Variants in TM4SF20 observed in about 807,000 individuals in gnomAD.
TM4SF20 encodes the protein transmembrane 4 L6 family member 20.
Under a neutral mutation model 15.1 loss-of-function variants are expected in TM4SF20, and 13 were observed. That is an observed-to-expected ratio of 0.86 (90% CI 0.56 to 1.36). The LOEUF (loss-of-function observed/expected upper bound fraction) is 1.36. Among genes scored for constraint, TM4SF20 ranks in the 40% most tolerant of loss-of-function variants. The pLI is 0.00. For missense variants in TM4SF20, 282 were observed against 268.4 expected (o/e 1.05, Z -0.35); for synonymous variants, 92 against 96.6 (o/e 0.95, Z 0.28).
chr2:227,377,784 C>A (rs933718758), intron 1 of TM4SF20, among the ~76,000 whole-genome samples: 5 of 151,796 alleles, frequency 3.3e-5, no homozygotes, highest in Non-Finnish European at 7.4e-5. Context: ...AACACATGAG[C>A]ACATAAAAGG....
chr2:227,374,455 A>G (rs1399093234), intron 1 of TM4SF20, among the ~76,000 whole-genome samples: 1 of 138,278 alleles, frequency 7.2e-6, no homozygotes, highest in African/African-American at 2.6e-5. Flanking sequence ...GTGTGTGTGT[A>G]TGAATTATAT....
intron 2 of TM4SF20, among the ~76,000 whole-genome samples, chr2:227,368,017 C>CTTTTTTTT (rs748891185): frequency 8.6e-6 from 1 of 116,696 alleles, no homozygotes; most frequent in Non-Finnish European, 1.8e-5. Flanking sequence ...TTTTAACCAT[C>CTTTTTTTT]TATTTTTTTT....
At chr2:227,366,928 C>T (rs914209625) in intron 2 of TM4SF20, among the ~76,000 whole-genome samples, 11 of 151,898 alleles carry the variant, frequency 7.2e-5, no homozygotes, top group African/African-American at 2.2e-4. Context: ...TCTCTTGGCT[C>T]GCAAGCGTTT....
intron 3 of TM4SF20, 152 bp from the exon 4 acceptor site, chr2:227,364,164 ATATACTCTAC>A: frequency 2.6e-6 from 2 of 760,514 alleles, no homozygotes; most frequent in Non-Finnish European, 4.1e-6. Context: ...GCATGTGTCC[ATATACTCTAC>A]TAGTTACAAA....
At chr2:227,371,887 T>C (rs961706645) in intron 1 of TM4SF20, among the ~76,000 whole-genome samples, 5 of 152,246 alleles carry the variant, frequency 3.3e-5, no homozygotes, top group African/African-American at 1.2e-4. Flanking sequence ...CAGAAATCTA[T>C]AGATCGCATT....
chr2:227,366,716 C>CAAAAAAAAAAAAAAAA (rs59401554), intron 2 of TM4SF20, among the ~76,000 whole-genome samples: 6 of 68,190 alleles, frequency 8.8e-5, no homozygotes, highest in African/African-American at 1.0e-4. Context: ...AAGACTCTGT[C>CAAAAAAAAAAAAAAAA]AAAAAAAAAA....
chr2:227,380,167 C>CA (rs1247306727), upstream of TM4SF20, among the ~76,000 whole-genome samples: 1 of 152,060 alleles, frequency 6.6e-6, no homozygotes, highest in African/African-American at 2.4e-5. Flanking sequence ...TCATCTGTAC[C>CA]AAAAAAACAA....
At chr2:227,380,345 T>C (rs964969295), upstream of TM4SF20, among the ~76,000 whole-genome samples, 1 of 151,952 alleles carries the variant, frequency 6.6e-6, no homozygotes, top group African/African-American at 2.4e-5. Flanking sequence ...ACAAAAACAA[T>C]ACAAAAGTTC....
intron 2 of TM4SF20, among the ~76,000 whole-genome samples, chr2:227,368,916 A>G (rs574318845): frequency 4.7e-4 from 72 of 152,318 alleles, no homozygotes; most frequent in African/African-American, 1.7e-3. Flanking sequence ...GGTCTTATCT[A>G]GGCCTCAAAG....
chr2:227,365,792 T>C (rs2076389764), intron 3 of TM4SF20, among the ~76,000 whole-genome samples: 1 of 152,216 alleles, frequency 6.6e-6, no homozygotes, highest in Non-Finnish European at 1.5e-5. Context: ...TTGCATAATT[T>C]TTTAATATAC....
chr2:227,370,483 G>A (rs1042165985), intron 2 of TM4SF20, among the ~76,000 whole-genome samples: 2 of 152,050 alleles, frequency 1.3e-5, no homozygotes. Context: ...CAGGCCAGGC[G>A]CAGTGGCTCA....
rs1051113147 is a variant in TM4SF20 at position 227,363,430 on chromosome 2, A to G, written c.*294T>C. 1 of 229,724 alleles carries G rather than the reference A, an allele frequency of 4.4e-6. No homozygotes were observed. Among genetic ancestry groups the G allele is most frequent in the Non-Finnish European group, 8.5e-6 (1 of 117,406 alleles). 14.2% of individuals were successfully genotyped at this position (229,724 alleles called of 1,614,324 possible). A position where few individuals can be genotyped will look rare whatever the true frequency, so the allele number is the denominator to read the frequency against. On this transcript the variant is annotated 3_prime_UTR_variant, in exon 4 of 4. Transcript: ENST00000304568. ...GACCCTGTCTCAAAAAAAAAAAAAA[A>G]AAGTCCTGTACTTTTATTTTCAGGA...
At chr2:227,376,923 A>C (rs949620265) in intron 1 of TM4SF20, among the ~76,000 whole-genome samples, 1 of 152,246 alleles carries the variant, frequency 6.6e-6, no homozygotes, top group Non-Finnish European at 1.5e-5. Context: ...ATAGAGACTA[A>C]ATGAGATAAC....
chr2:227,373,927 C>CAAAAAAAAAAAAAAA (rs373068376), intron 1 of TM4SF20, among the ~76,000 whole-genome samples: 4 of 103,070 alleles, frequency 3.9e-5, no homozygotes, highest in East Asian at 2.6e-4. Context: ...GACTCCGTCT[C>CAAAAAAAAAAAAAAA]AAAAAAAAAA....
chr2:227,377,992 A>C (rs775767181), intron 1 of TM4SF20, among the ~76,000 whole-genome samples: 21 of 152,096 alleles, frequency 1.4e-4, no homozygotes, highest in Non-Finnish European at 1.8e-4. Context: ...TAAAAAAAAA[A>C]GTTAAAAAAA....
At chr2:227,374,217 T>C (rs1389493667) in intron 1 of TM4SF20, among the ~76,000 whole-genome samples, 1 of 152,096 alleles carries the variant, frequency 6.6e-6, no homozygotes, top group African/African-American at 2.4e-5. Flanking sequence ...TCAGAGTTAC[T>C]AAATATTTCC....
At chr2:227,366,300 C>T in intron 2 of TM4SF20, 56 bp from the exon 3 acceptor site, 1 of 1,524,950 alleles carries the variant, frequency 6.6e-7, no homozygotes, top group Non-Finnish European at 9.0e-7. Flanking sequence ...TGATCTGTTT[C>T]AAGCTTCAGG....
At position 227,363,762 on chromosome 2, in the gene TM4SF20, G is replaced by C. The variant is rs2106486878; in HGVS notation, c.652C>G (p.Leu218Val). The C allele has an allele frequency of 6.2e-7, 1 of 1,614,070 alleles. No homozygotes were observed. The highest frequency in any genetic ancestry group is 2.2e-5 in the East Asian group (1 of 44,866). ...CTTCTTCGCTTAGAGACTCCACACA[G>C]ACAGCCAAGGAAACCGATGACTATC... ...SQIVIGFLGC[L>V]CGVSKRRSQI... Residue 218 changes from leucine (L) to valine (V), a missense_variant, in exon 4 of 4, where the codon CTG (leucine) becomes GTG (valine). Physicochemically the swap from Leu to Val is conservative, Grantham distance 32. Transcript: ENST00000304568.
chr2:227,377,482 T>C (rs977806769), intron 1 of TM4SF20, among the ~76,000 whole-genome samples: 17 of 152,240 alleles, frequency 1.1e-4, no homozygotes, highest in African/African-American at 3.9e-4. Flanking sequence ...ATTAGATCTT[T>C]CTACCTAAAG....
Sources: allele counts gnomAD v4.1 joint callset (sites outside exome capture counted in the v4.1 genomes callset), GRCh38; gene constraint gnomAD v4.1.1; transcripts MANE v1.5; gene names NCBI Gene and HGNC (gene_info 2026-07-23, HGNC 2026-07-21).